Variants in KCNG3 observed in about 807,000 individuals in gnomAD.
The protein encoded by KCNG3 is potassium voltage-gated channel modifier subfamily G member 3, also known as voltage-gated potassium channel regulatory subunit KCNG3.
KCNG3 carries 15 observed loss-of-function variants against 29.0 expected under a neutral mutation model. The ratio of observed to expected loss-of-function variants is 0.52; its 90% CI spans 0.35 to 0.80. The LOEUF is 0.80. KCNG3 is among the 30% of genes least tolerant of loss of function. The probability of loss-of-function intolerance (pLI) is 0.01; values close to 1 mark genes in which losing one functional copy is unlikely to be tolerated. For missense variants in KCNG3, 512 were observed against 605.7 expected (o/e 0.85, Z 1.62); for synonymous variants, 322 against 248.9 (o/e 1.29, Z -2.76).
rs2103661215 is a variant in KCNG3 at position 42,444,819 on chromosome 2, T to C, written c.666-240A>G. On this transcript the variant is annotated intron_variant, in intron 1 of 1. Transcript: ENST00000306078. The surrounding 1 kb of genome is among the most constrained non-coding windows in gnomAD (Gnocchi z 5.8). ...GCTCATGCATGTAATCCCAGGTCTTTGGAAGGCTGAGGTGGGTGAATCGCT... is the reference window on the plus strand; with the variant it reads ...GCTCATGCATGTAATCCCAGGTCTTCGGAAGGCTGAGGTGGGTGAATCGCT... Among the ~76,000 whole-genome samples the C allele has an allele frequency of 6.6e-6, 1 of 152,052 alleles. No homozygotes were observed. Among genetic ancestry groups the C allele is most frequent in the South Asian group, 2.1e-4 (1 of 4,814 alleles).
chr2:42,448,094 T>C (rs1259575655), intron 1 of KCNG3, among the ~76,000 whole-genome samples: 1 of 152,198 alleles, frequency 6.6e-6, no homozygotes, highest in Non-Finnish European at 1.5e-5. Context: ...AAGTGCTAGC[T>C]TATTTTGAGC....
chr2:42,446,830 A>T (rs1672608784), intron 1 of KCNG3, among the ~76,000 whole-genome samples: 1 of 152,106 alleles, frequency 6.6e-6, no homozygotes, highest in Non-Finnish European at 1.5e-5. Flanking sequence ...ACATGATTTT[A>T]AAAAAAGAAT....
chr2:42,437,939 CAAAAAAAAAAAA>C (rs58250880), downstream of KCNG3, among the ~76,000 whole-genome samples: 5 of 74,848 alleles, frequency 6.7e-5, no homozygotes, highest in Non-Finnish European at 1.1e-4. Flanking sequence ...ACTCTGTCTC[CAAAAAAAAAAAA>C]AAAAAAAAAA....
chr2:42,473,659 G>A (rs981415359), intron 1 of KCNG3, among the ~76,000 whole-genome samples: 2 of 152,056 alleles, frequency 1.3e-5, no homozygotes, highest in African/African-American at 4.8e-5. Flanking sequence ...TGTAAAGCAT[G>A]TGTTTCTTTT....
At chr2:42,421,734 C>A in the KCNG3 span, among the ~76,000 whole-genome samples, 186 of 152,226 alleles carry the variant, frequency 1.2e-3, no homozygotes, top group Middle Eastern at 3.4e-3. Flanking sequence ...GGGGAAAAAA[C>A]CCAGAGAAAA....
chr2:42,477,361 A>G (rs1036988732), intron 1 of KCNG3, among the ~76,000 whole-genome samples: 1 of 140,462 alleles, frequency 7.1e-6, no homozygotes, highest in Non-Finnish European at 1.5e-5. Flanking sequence ...GTGTGTGTAT[A>G]TACATATATA....
At chr2:42,477,021 T>TA (rs1673443198) in intron 1 of KCNG3, among the ~76,000 whole-genome samples, 1 of 143,570 alleles carries the variant, frequency 7.0e-6, no homozygotes, top group African/African-American at 2.6e-5. Flanking sequence ...CCGTCTCTAC[T>TA]AAAAAATATA....
chr2:42,411,097 C>G, the KCNG3 span, among the ~76,000 whole-genome samples: 3 of 152,168 alleles, frequency 2.0e-5, no homozygotes, highest in South Asian at 6.2e-4. Flanking sequence ...TAGATATTTT[C>G]TCATGCATTT....
intron 1 of KCNG3, among the ~76,000 whole-genome samples, chr2:42,451,855 T>C (rs567174229): frequency 2.6e-5 from 4 of 151,314 alleles, no homozygotes; most frequent in African/African-American, 9.7e-5. Context: ...AGCCATGATC[T>C]TGCCACTACA....
At chr2:42,413,201 C>T in the KCNG3 span, among the ~76,000 whole-genome samples, 1 of 152,162 alleles carries the variant, frequency 6.6e-6, no homozygotes, top group Non-Finnish European at 1.5e-5. Context: ...GACAGGGTCT[C>T]ACTACATTGC....
the KCNG3 span, among the ~76,000 whole-genome samples, chr2:42,393,803 CAG>C: frequency 1.3e-5 from 2 of 151,642 alleles, no homozygotes; most frequent in African/African-American, 2.4e-5. Flanking sequence ...TTTCTCGAGA[CAG>C]AGTCTCGGTC....
At chr2:42,469,598 T>C (rs1673235679) in intron 1 of KCNG3, among the ~76,000 whole-genome samples, 1 of 151,966 alleles carries the variant, frequency 6.6e-6, no homozygotes, top group Non-Finnish European at 1.5e-5. Context: ...TAATAATAGG[T>C]GGACTAAAGA....
intron 1 of KCNG3, among the ~76,000 whole-genome samples, chr2:42,469,416 CAAAA>C (rs57425538): frequency 1.3e-5 from 1 of 74,394 alleles, no homozygotes. Flanking sequence ...GACTCTGTCT[CAAAA>C]AAAAAAAAAA....
At chr2:42,414,302 A>G in the KCNG3 span, among the ~76,000 whole-genome samples, 29 of 152,238 alleles carry the variant, frequency 1.9e-4, no homozygotes, top group Admixed American at 1.7e-3. Context: ...AAATATCTCT[A>G]TTATGCACAC....
intron 1 of KCNG3, among the ~76,000 whole-genome samples, chr2:42,469,071 A>G (rs1673218269): frequency 6.6e-6 from 1 of 151,968 alleles, no homozygotes; most frequent in Admixed American, 6.6e-5. Flanking sequence ...GGTAATTAAT[A>G]AGCTGATTAT....
the KCNG3 span, among the ~76,000 whole-genome samples, chr2:42,394,374 C>A: frequency 6.6e-6 from 1 of 152,192 alleles, no homozygotes; most frequent in East Asian, 1.9e-4. Flanking sequence ...AGCTCCTCAG[C>A]CATTCCCTCC....
chr2:42,407,210 C>T, the KCNG3 span, among the ~76,000 whole-genome samples: 1 of 140,216 alleles, frequency 7.1e-6, no homozygotes, highest in Non-Finnish European at 1.5e-5. Flanking sequence ...CGGAGTCTTG[C>T]TCCATCGCCC....
chr2:42,393,241 G>T, the KCNG3 span, among the ~76,000 whole-genome samples: 1 of 148,328 alleles, frequency 6.7e-6, no homozygotes, highest in African/African-American at 2.5e-5. Flanking sequence ...AAAAAACAAA[G>T]AATTTTATTT....
the KCNG3 span, among the ~76,000 whole-genome samples, chr2:42,436,298 T>C: frequency 6.6e-6 from 1 of 152,198 alleles, no homozygotes; most frequent in Non-Finnish European, 1.5e-5. Flanking sequence ...TGGAGTTAGA[T>C]AGTGGTGATG....
Sources: allele counts gnomAD v4.1 joint callset (sites outside exome capture counted in the v4.1 genomes callset), GRCh38; gene constraint gnomAD v4.1.1; non-coding constraint Gnocchi (gnomAD v3.1); transcripts MANE v1.5; gene names NCBI Gene and HGNC (gene_info 2026-07-23, HGNC 2026-07-21).